Variants in NHS observed in about 807,000 individuals in gnomAD.
NHS encodes the protein actin remodeling regulator NHS.
In NHS, 5 loss-of-function variants were observed where a neutral mutation model predicts 72.5. That is an observed-to-expected ratio of 0.07 (90% CI 0.04 to 0.14). The LOEUF is 0.14. NHS is among the 10% of genes least tolerant of loss of function. The pLI is 1.00. For missense variants in NHS, 1,072 were observed against 1,355.7 expected, an observed-to-expected ratio of 0.79 and a Z score of 3.29; for synonymous variants, 464 against 547.7, an observed-to-expected ratio of 0.85 and a Z score of 2.13.
rs940637834 is a variant in NHS at position 17,382,672 on chromosome X, C to T, written c.565+6350C>T. Among the ~76,000 whole-genome samples the T allele has an allele frequency of 9.8e-5, 11 of 112,310 alleles. No homozygotes were observed. The South Asian group carries it at 1.1e-3, about 11-fold the overall frequency. ...CCACTTATTGAAAAGACCATCATTT[C>T]CCCATTGTACTGCAGTGACACTTTT... is the stretch of plus-strand genomic sequence containing the variant. On this transcript the variant is annotated intron_variant, in intron 1 of 8. Transcript: ENST00000676302.
intron 1 of NHS, among the ~76,000 whole-genome samples, chrX:17,409,000 C>G (rs895263665): frequency 9.0e-6 from 1 of 111,219 alleles, no homozygotes; most frequent in Admixed American, 9.5e-5. Context: ...TACAGGCTCC[C>G]TGGTGTCTCT....
At chrX:17,559,962 T>G (rs1398405566) in intron 1 of NHS, among the ~76,000 whole-genome samples, 1 of 111,785 alleles carries the variant, frequency 8.9e-6, no homozygotes, top group Non-Finnish European at 1.9e-5. Flanking sequence ...TGAAGTAAAC[T>G]CTTTACCCTG....
chrX:17,658,632 C>A (rs2065968545), intron 1 of NHS, among the ~76,000 whole-genome samples: 1 of 111,825 alleles, frequency 8.9e-6, no homozygotes. Flanking sequence ...TTAAAATTTC[C>A]ACCATCTTTG....
intron 1 of NHS, among the ~76,000 whole-genome samples, chrX:17,615,011 C>A (rs1368648907): frequency 9.6e-6 from 1 of 104,361 alleles, no homozygotes; most frequent in African/African-American, 3.5e-5. Flanking sequence ...ATGCCTTTTG[C>A]ATCTTCCCTC....
chrX:17,676,812 T>C (rs185286658), intron 1 of NHS, among the ~76,000 whole-genome samples: 2 of 112,769 alleles, frequency 1.8e-5, no homozygotes, highest in Non-Finnish European at 3.7e-5. Flanking sequence ...GCAAGCACTT[T>C]ACTGCTATCT....
intron 1 of NHS, among the ~76,000 whole-genome samples, chrX:17,524,860 C>T (rs1295943652): frequency 8.9e-6 from 1 of 112,543 alleles, no homozygotes; most frequent in Non-Finnish European, 1.9e-5. Context: ...ATCAAACTCT[C>T]TCCACCTAGC....
chrX:17,493,548 T>G (rs2065000216), intron 1 of NHS, among the ~76,000 whole-genome samples: 1 of 112,046 alleles, frequency 8.9e-6, no homozygotes, highest in Non-Finnish European at 1.9e-5. Flanking sequence ...TGGCATATAG[T>G]AGGTGCTTAG....
intron 1 of NHS, among the ~76,000 whole-genome samples, chrX:17,597,140 T>G (rs2065627964): frequency 1.1e-5 from 1 of 92,036 alleles, no homozygotes. Flanking sequence ...TTTTTTTTGA[T>G]ACGGAGTCTT....
chrX:17,487,890 G>C lies in NHS; in HGVS notation c.565+111568G>C, dbSNP rs7392457. 1.6e-3 allele frequency among the ~76,000 whole-genome samples: 178 copies of C among 111,840 alleles called. 1 individual carries two copies. The highest frequency in any genetic ancestry group is 0.015 in the Admixed American group (154 of 10,564). The stretch of plus-strand genomic sequence containing the variant: ...ATAAAAAGTGCAGATTGACAGCTCT[G>C]AACAAAACCTTGTGCTTGCTGCTCT... On this transcript the variant is annotated intron_variant, in intron 1 of 8. Coordinates refer to ENST00000676302, the MANE Select transcript of NHS (RefSeq NM_001291867.2).
In NHS at chrX:17,376,272, G is replaced by A; in HGVS notation, c.515G>A (p.Gly172Asp). 8.6e-7 allele frequency: 1 copy of A among 1,163,505 alleles called. No homozygotes were observed. The highest frequency in any genetic ancestry group is 3.2e-5 in the East Asian group (1 of 31,554). Residue 172 changes from glycine to aspartate, a missense_variant, in exon 1 of 9, where the codon GGC becomes GAC. Gly to Asp is a moderately conservative substitution (Grantham distance 94). Coordinates refer to ENST00000676302, the MANE Select transcript of NHS (RefSeq NM_001291867.2). ...RRVWALQGKL[G>D]GVQRVLSTLD... ...GTCTGGGCGCTGCAGGGCAAGCTCG[G>A]CGGCGTGCAGCGCGTCCTCAGCACG...
rs138340271 is a variant in NHS at position 17,542,246 on chromosome X, C to T, written c.566-145496C>T. Among the ~76,000 whole-genome samples, 242 of 113,365 alleles carry T rather than the reference C, an allele frequency of 2.1e-3. 1 individual carries two copies. Among genetic ancestry groups the T allele is most frequent in the African/African-American group, 7.3e-3 (227 of 31,283 alleles). ...TTTGAAGCAGCCTGTGGAGAGCCTG[C>T]CAGGGTTCTGTGTACTTGCATGCCT... On this transcript the variant is annotated intron_variant, in intron 1 of 8. Coordinates refer to ENST00000676302, the MANE Select transcript of NHS (RefSeq NM_001291867.2).
chrX:17,478,084 A>G (rs2064929317), intron 1 of NHS, among the ~76,000 whole-genome samples: 1 of 111,741 alleles, frequency 8.9e-6, no homozygotes, highest in Admixed American at 9.5e-5. Context: ...GAGGTGAGGA[A>G]CTAATTGTGA....
chrX:17,502,090 C>T (rs1363949335), intron 1 of NHS, among the ~76,000 whole-genome samples: 1 of 111,806 alleles, frequency 8.9e-6, no homozygotes, highest in Non-Finnish European at 1.9e-5. Flanking sequence ...TAAATTGTAG[C>T]TTGTGTACAC....
At chrX:17,522,603 C>A (rs749904266) in intron 1 of NHS, among the ~76,000 whole-genome samples, 12 of 104,965 alleles carry the variant, frequency 1.1e-4, no homozygotes, top group African/African-American at 3.5e-4. Context: ...CCGAAGTTCC[C>A]GGTGCTGCCA....
At chrX:17,442,746 C>T (rs1244982468) in intron 1 of NHS, among the ~76,000 whole-genome samples, 1 of 112,206 alleles carries the variant, frequency 8.9e-6, no homozygotes, top group Non-Finnish European at 1.9e-5. Flanking sequence ...CTTCTCAGTA[C>T]CTGTTTATTT....
intron 1 of NHS, among the ~76,000 whole-genome samples, chrX:17,546,984 G>A (rs898568560): frequency 3.6e-5 from 4 of 112,177 alleles, no homozygotes; most frequent in Non-Finnish European, 7.5e-5. Flanking sequence ...GGCAGTCAAT[G>A]TATGCTGGCC....
At chrX:17,416,522 GTCTTCCCTAACT>G (rs1453697708) in intron 1 of NHS, among the ~76,000 whole-genome samples, 1 of 112,420 alleles carries the variant, frequency 8.9e-6, no homozygotes, top group African/African-American at 3.2e-5. Flanking sequence ...CCTCTGTGAA[GTCTTCCCTAACT>G]TCATCTGCTC....
chrX:17,597,619 A>G (rs2065631227), intron 1 of NHS, among the ~76,000 whole-genome samples: 1 of 110,524 alleles, frequency 9.0e-6, no homozygotes. Flanking sequence ...ACTTCCACTC[A>G]TAATGGGAGA....
chrX:17,580,059 GC>G (rs1391154857), intron 1 of NHS, among the ~76,000 whole-genome samples: 4 of 110,113 alleles, frequency 3.6e-5, no homozygotes, highest in African/African-American at 1.3e-4. Flanking sequence ...CCCAAATCAT[GC>G]ACCTGAATCA....
Sources: allele counts gnomAD v4.1 joint callset (sites outside exome capture counted in the v4.1 genomes callset), GRCh38; gene constraint gnomAD v4.1.1; transcripts MANE v1.5; gene names NCBI Gene and HGNC (gene_info 2026-07-23, HGNC 2026-07-21).